The following SESTD1 variants were observed in gnomAD, a reference collection of about 807,000 sequenced individuals.
SESTD1 encodes SEC14 domain and spectrin repeat-containing protein 1.
SESTD1 carries 43 observed loss-of-function variants against 101.7 expected under a neutral mutation model. The ratio of observed to expected loss-of-function variants is 0.42; its 90% CI spans 0.33 to 0.55. SESTD1 has a LOEUF of 0.55. SESTD1 is among the 20% of genes least tolerant of loss of function. SESTD1 has a pLI of 0.07. For synonymous variants in SESTD1, 283 were observed against 286.8 expected (o/e 0.99, Z 0.13); for missense variants, 647 against 815.1 (o/e 0.79, Z 2.51).
intron 5 of SESTD1, among the ~76,000 whole-genome samples, chr2:179,156,199 A>G (rs1392170862): frequency 6.6e-6 from 1 of 152,104 alleles, no homozygotes; most frequent in Non-Finnish European, 1.5e-5. Flanking sequence ...TATATATCAC[A>G]TATATACATC....
At position 179,102,968 on chromosome 2, in the gene SESTD1, C is replaced by T. The variant is rs149510999; in HGVS notation, c.*6931G>A. ...CTCTCTCACATAGCTGTACCTGGGG[C>T]TTACTAGCAATACATGCTTTCCACT... On this transcript the variant is annotated 3_prime_UTR_variant, in exon 18 of 18. Transcript: ENST00000428443. The T allele has an allele frequency of 1.1e-3, 170 of 152,216 alleles. No individual in the cohort carries two copies. Among genetic ancestry groups the T allele is most frequent in the African/African-American group, 3.9e-3 (161 of 41,550 alleles). 9.4% of individuals were successfully genotyped at this position (152,216 alleles called of 1,614,324 possible). A position where few individuals can be genotyped will look rare whatever the true frequency, so the allele number is the denominator to read the frequency against.
rs145363931 is a variant in SESTD1, at chr2:179,219,365, G to C, written c.-25-27499C>G. 9.0e-3 allele frequency among the ~76,000 whole-genome samples: 1,367 copies of C among 152,338 alleles called. 11 individuals carry two copies. The highest frequency in any genetic ancestry group is 0.017 in the Admixed American group (264 of 15,304). Reference sequence around the variant, plus strand: ...AAAATTTAGTTAAATTCTTCAAGGAGCATTTCTTAACAACCAGTGAAAACC... The same window carrying C: ...AAAATTTAGTTAAATTCTTCAAGGACCATTTCTTAACAACCAGTGAAAACC... On this transcript the variant is annotated intron_variant, in intron 1 of 17. Coordinates refer to ENST00000428443, the MANE Select transcript of SESTD1 (RefSeq NM_178123.5).
intron 1 of SESTD1, among the ~76,000 whole-genome samples, chr2:179,228,063 T>C (rs1186827459): frequency 2.0e-5 from 3 of 152,174 alleles, no homozygotes; most frequent in African/African-American, 2.4e-5. Flanking sequence ...AGCCTCCTTA[T>C]GATCCCTTCC....
intron 2 of SESTD1, among the ~76,000 whole-genome samples, chr2:179,188,966 A>C (rs1345826938): frequency 6.6e-6 from 1 of 152,180 alleles, no homozygotes; most frequent in Non-Finnish European, 1.5e-5. Context: ...AAAGCCCTGG[A>C]CTAGATGGAT....
At chr2:179,124,278 G>A (rs1575426616) in intron 11 of SESTD1, 86 bp downstream of exon 11, 11 of 1,223,422 alleles carry the variant, frequency 9.0e-6, no homozygotes, top group Non-Finnish European at 1.3e-5. Context: ...AAATAATTTA[G>A]GAGGCATGCA....
At chr2:179,174,275 T>C in intron 4 of SESTD1, 2 of 371,288 alleles carry the variant, frequency 5.4e-6, no homozygotes, top group East Asian at 1.6e-4. Flanking sequence ...ATGTAGAAAC[T>C]GTTTGACTAG....
At chr2:179,168,911 A>G (rs2045882570) in intron 5 of SESTD1, among the ~76,000 whole-genome samples, 1 of 152,190 alleles carries the variant, frequency 6.6e-6, no homozygotes, top group Non-Finnish European at 1.5e-5. Flanking sequence ...TTTCATGTGA[A>G]GTGGTATAAT....
intron 9 of SESTD1, among the ~76,000 whole-genome samples, chr2:179,138,445 A>ACC (rs1336819557): frequency 6.6e-6 from 1 of 152,098 alleles, no homozygotes; most frequent in African/African-American, 2.4e-5. Context: ...GATCAACACT[A>ACC]CCCCAAAATA....
chr2:179,225,507 A>AT (rs1250524344), intron 1 of SESTD1, among the ~76,000 whole-genome samples: 2 of 152,130 alleles, frequency 1.3e-5, no homozygotes, highest in African/African-American at 2.4e-5. Flanking sequence ...ATGTCTGGGT[A>AT]TTTTAATCTG....
At chr2:179,118,754 G>C (rs2044688559) in intron 13 of SESTD1, among the ~76,000 whole-genome samples, 1 of 152,064 alleles carries the variant, frequency 6.6e-6, no homozygotes. Context: ...TGTGTGCTGG[G>C]GAAAATATAA....
intron 9 of SESTD1, among the ~76,000 whole-genome samples, chr2:179,140,459 G>A (rs1056887386): frequency 1.3e-5 from 2 of 152,138 alleles, no homozygotes; most frequent in African/African-American, 4.8e-5. Flanking sequence ...GTCAAGGAGA[G>A]AGGCTGGAAC....
intron 1 of SESTD1, among the ~76,000 whole-genome samples, chr2:179,195,236 G>A (rs2046372839): frequency 6.6e-6 from 1 of 152,182 alleles, no homozygotes; most frequent in African/African-American, 2.4e-5. Flanking sequence ...GTAGAGTGAG[G>A]GAAGTGATTA....
At chr2:179,239,814 G>C (rs968629781) in intron 1 of SESTD1, among the ~76,000 whole-genome samples, 11 of 152,172 alleles carry the variant, frequency 7.2e-5, no homozygotes, top group African/African-American at 2.4e-4. Context: ...CAATGTTTAA[G>C]TCCAATACTC....
chr2:179,260,061 G>A (rs1310823565), intron 1 of SESTD1, among the ~76,000 whole-genome samples: 1 of 152,116 alleles, frequency 6.6e-6, no homozygotes, highest in Non-Finnish European at 1.5e-5. Context: ...GTTCCTATTA[G>A]GTTAAAACAT....
chr2:179,258,722 T>G (rs982391984), intron 1 of SESTD1, among the ~76,000 whole-genome samples: 1 of 152,112 alleles, frequency 6.6e-6, no homozygotes, highest in Non-Finnish European at 1.5e-5. Context: ...TCAAACCAGC[T>G]CTGACCACTA....
intron 13 of SESTD1, among the ~76,000 whole-genome samples, chr2:179,119,172 T>C (rs575923501): frequency 1.3e-5 from 2 of 152,334 alleles, no homozygotes; most frequent in East Asian, 3.9e-4. Context: ...TGTTGTACTT[T>C]ATGAAAATTA....
chr2:179,197,159 AAAG>A (rs1333359580), intron 1 of SESTD1, among the ~76,000 whole-genome samples: 1 of 152,218 alleles, frequency 6.6e-6, no homozygotes, highest in Admixed American at 6.5e-5. Flanking sequence ...CTACGTGAAG[AAAG>A]AAGAAGCCTC....
chr2:179,106,143 T>C lies in SESTD1; in HGVS notation c.*3756A>G, dbSNP rs1220968246. ...AGCTATGTTCCAGCCATGTTTTTAA[T>C]GCTAGAGAATTTTTCCTTTGGGGGC... On this transcript the variant is annotated 3_prime_UTR_variant, in exon 18 of 18. Transcript: ENST00000428443. 1 of 152,182 alleles carries C rather than the reference T, an allele frequency of 6.6e-6. No individual in the cohort carries two copies. Among genetic ancestry groups the C allele is most frequent in the Admixed American group, 6.5e-5 (1 of 15,274 alleles). The allele number at this position is 152,182 out of a possible 1,614,324, so 9.4% of individuals were successfully genotyped here.
intron 1 of SESTD1, among the ~76,000 whole-genome samples, chr2:179,206,759 G>C (rs2046596024): frequency 7.4e-6 from 1 of 134,486 alleles, no homozygotes; most frequent in South Asian, 2.9e-4. Flanking sequence ...GGAGGTGAGA[G>C]ACCTGAGAGC....
Sources: gnomAD v4.1 joint callset for allele counts (sites outside exome capture counted in the v4.1 genomes callset) on GRCh38, gnomAD v4.1.1 for gene constraint, MANE v1.5 for transcripts, NCBI Gene and HGNC (gene_info 2026-07-23, HGNC 2026-07-21) for gene names.